Variants in FAM13A observed in about 807,000 individuals in gnomAD.
FAM13A encodes the protein protein FAM13A.
Under a neutral mutation model 129.6 loss-of-function variants are expected in FAM13A, and 76 were observed. The ratio of observed to expected loss-of-function variants is 0.59; its 90% CI spans 0.49 to 0.71. The LOEUF is 0.71. Among genes scored for constraint, FAM13A ranks in the 30% least tolerant of loss-of-function variants. FAM13A has a pLI of 0.00. For synonymous variants in FAM13A, 443 were observed against 449.9 expected (o/e 0.98, Z 0.20); for missense variants, 1,108 against 1,249.3 (o/e 0.89, Z 1.70).
In FAM13A at chr4:88,781,319, C is replaced by A. The variant is rs775086109; in HGVS notation, c.1304G>T (p.Gly435Val). 17 of 1,605,964 alleles carry A rather than the reference C, an allele frequency of 1.1e-5. No homozygotes were observed. The highest frequency in any genetic ancestry group is 2.7e-5 in the African/African-American group (2 of 74,508). Residue 435 changes from glycine to valine, a missense_variant, in exon 11 of 24, where the codon GGG becomes GTG. Transcript: ENST00000264344. ...GLINKENTPS[G>V]FNHLDDCILN... ...AATACAATCATCAAGGTGGTTGAAC[C>A]CAGAAGGAGTATTTTCTTTGTTGAT...
intron 2 of FAM13A, among the ~76,000 whole-genome samples, chr4:89,022,382 T>C (rs1767389316): frequency 6.6e-6 from 1 of 152,214 alleles, no homozygotes; most frequent in Admixed American, 6.5e-5. Flanking sequence ...GGTGAGATGT[T>C]TGTGTTCTTC....
At chr4:88,872,075 C>T (rs1483549635) in intron 6 of FAM13A, among the ~76,000 whole-genome samples, 1 of 152,186 alleles carries the variant, frequency 6.6e-6, no homozygotes, top group African/African-American at 2.4e-5. Flanking sequence ...AAATAAAATA[C>T]TCTACAGACA....
Position 88,781,451 on chromosome 4 carries a change from G to T in FAM13A, c.1272-100C>A, listed in dbSNP as rs895487859. 43 of 821,270 alleles carry T rather than the reference G, an allele frequency of 5.2e-5. 1 individual carries two copies. In the Admixed American group the frequency reaches 1.3e-3, roughly 25 times the overall value. 50.9% of individuals were successfully genotyped at this position (821,270 alleles called of 1,614,324 possible). A position where few individuals can be genotyped will look rare whatever the true frequency, so the allele number is the denominator to read the frequency against. On this transcript the variant is annotated intron_variant, in intron 10 of 23. Coordinates refer to ENST00000264344, the MANE Select transcript of FAM13A (RefSeq NM_014883.4). Reference sequence around the variant, plus strand: ...ATCATACCTAGGAAATCCAAAGAGTGCCCAGAAATTCCAGTATGCATCTCT... The same window carrying T: ...ATCATACCTAGGAAATCCAAAGAGTTCCCAGAAATTCCAGTATGCATCTCT...
intron 7 of FAM13A, among the ~76,000 whole-genome samples, chr4:88,808,918 A>C (rs148887834): frequency 9.9e-5 from 15 of 152,282 alleles, no homozygotes; most frequent in Admixed American, 5.9e-4. Flanking sequence ...TATAGACCTA[A>C]ATAACAGTCT....
intron 6 of FAM13A, among the ~76,000 whole-genome samples, chr4:88,875,632 C>T (rs909546999): frequency 6.6e-6 from 1 of 152,126 alleles, no homozygotes; most frequent in African/African-American, 2.4e-5. Context: ...ATTAAAAAGT[C>T]AGGAAACAAC....
intron 6 of FAM13A, among the ~76,000 whole-genome samples, chr4:88,870,466 A>G (rs1741172134): frequency 1.3e-5 from 2 of 152,312 alleles, no homozygotes; most frequent in South Asian, 4.2e-4. Flanking sequence ...AGCAAATGGC[A>G]CACCAGGAGA....
At chr4:88,857,979 T>TG (rs1466063702) in intron 6 of FAM13A, among the ~76,000 whole-genome samples, 3 of 152,260 alleles carry the variant, frequency 2.0e-5, no homozygotes, top group Non-Finnish European at 4.4e-5. Flanking sequence ...AATTCTATTG[T>TG]GTAAACATTG....
At chr4:88,827,331 A>G (rs1733173079) in intron 7 of FAM13A, among the ~76,000 whole-genome samples, 1 of 152,012 alleles carries the variant, frequency 6.6e-6, no homozygotes, top group Admixed American at 6.6e-5. Flanking sequence ...CATTCAATAC[A>G]CGCATTCAAT....
chr4:88,986,088 T>C (rs2149001736), intron 4 of FAM13A, among the ~76,000 whole-genome samples: 2 of 151,214 alleles, frequency 1.3e-5, no homozygotes, highest in South Asian at 4.2e-4. Flanking sequence ...AGAATAATGA[T>C]AAAAGGGAAA....
chr4:89,010,553 G>A (rs752186377), intron 3 of FAM13A, among the ~76,000 whole-genome samples: 18 of 152,238 alleles, frequency 1.2e-4, no homozygotes, highest in Non-Finnish European at 2.2e-4. Context: ...CCTGTGTACA[G>A]ATAGAAAAGA....
intron 7 of FAM13A, among the ~76,000 whole-genome samples, chr4:88,824,211 T>G (rs1422948447): frequency 6.6e-6 from 1 of 152,156 alleles, no homozygotes; most frequent in Admixed American, 6.5e-5. Context: ...ACATCATGAG[T>G]TGTAAAAAAT....
At chr4:88,963,486 C>CG (rs1758922909) in intron 4 of FAM13A, among the ~76,000 whole-genome samples, 1 of 151,898 alleles carries the variant, frequency 6.6e-6, no homozygotes, top group South Asian at 2.1e-4. Context: ...TTATTAGAGA[C>CG]GGGGTTTCAT....
At chr4:88,960,608 C>T (rs1758458311) in intron 4 of FAM13A, among the ~76,000 whole-genome samples, 1 of 152,174 alleles carries the variant, frequency 6.6e-6, no homozygotes, top group South Asian at 2.1e-4. Context: ...TGTAAGCACT[C>T]TCAGCAAGAG....
At chr4:89,029,922 T>C in intron 1 of FAM13A, 1 of 388,688 alleles carries the variant, frequency 2.6e-6, no homozygotes, top group Non-Finnish European at 4.5e-6. Context: ...GATATATTAC[T>C]ACAGTAACCA....
chr4:88,749,813 G>A lies in FAM13A; in HGVS notation c.2037C>T (p.Ile679=), dbSNP rs1318827434. 2 of 1,614,004 alleles carry A rather than the reference G, an allele frequency of 1.2e-6. No homozygotes were observed. The highest frequency in any genetic ancestry group is 1.7e-6 in the Non-Finnish European group (2 of 1,180,014). The stretch of plus-strand genomic sequence containing the variant: ...CTTCGAATCTATCTTCAAACTTCCG[G>A]ATCTTCTTTTTAAGGCTCTGAATCC... The part of the protein sequence containing the change: ...TRRIQSLKKK[I]RKFEDRFEEE... The change falls in exon 16 of 24, where the codon ATC becomes ATT. Residue 679 remains isoleucine, a synonymous_variant. Coordinates refer to ENST00000264344, the MANE Select transcript of FAM13A (RefSeq NM_014883.4).
intron 11 of FAM13A, among the ~76,000 whole-genome samples, chr4:88,776,291 C>A (rs1721697587): frequency 6.6e-6 from 1 of 152,146 alleles, no homozygotes; most frequent in East Asian, 1.9e-4. Flanking sequence ...GTAGATATTG[C>A]TTCATAACCT....
chr4:88,769,715 C>T lies in FAM13A; in HGVS notation c.1459-1656G>A, dbSNP rs1026919400. 9.2e-5 allele frequency among the ~76,000 whole-genome samples: 14 copies of T among 151,822 alleles called. 1 individual carries two copies. Among genetic ancestry groups the T allele is most frequent in the African/African-American group, 3.4e-4 (14 of 41,306 alleles). On this transcript the variant is annotated intron_variant, in intron 11 of 23. Coordinates refer to ENST00000264344, the MANE Select transcript of FAM13A (RefSeq NM_014883.4). Reference sequence around the variant, plus strand: ...GGTGTGGTGGCACGTGCCTGTAGTCCCAGCTACTTGGGAGGCTGAGGCAGG... The same window carrying T: ...GGTGTGGTGGCACGTGCCTGTAGTCTCAGCTACTTGGGAGGCTGAGGCAGG...
chr4:88,833,895 A>T (rs1283359887), intron 7 of FAM13A, among the ~76,000 whole-genome samples: 1 of 151,848 alleles, frequency 6.6e-6, no homozygotes, highest in East Asian at 1.9e-4. Flanking sequence ...TAAAAAAAAA[A>T]TCCAATTTAT....
chr4:88,841,522 A>C (rs1184640395), intron 7 of FAM13A, among the ~76,000 whole-genome samples: 1 of 151,062 alleles, frequency 6.6e-6, no homozygotes, highest in East Asian at 1.9e-4. Flanking sequence ...AAAATTGAAA[A>C]GACAACCCAT....
Sources: allele counts gnomAD v4.1 joint callset (sites outside exome capture counted in the v4.1 genomes callset), GRCh38; gene constraint gnomAD v4.1.1; transcripts MANE v1.5; gene names NCBI Gene and HGNC (gene_info 2026-07-23, HGNC 2026-07-21).